The following ATP11A variants were observed in gnomAD, a reference collection of about 807,000 sequenced individuals.
ATP11A encodes phospholipid-transporting ATPase IH.
ATP11A carries 81 observed loss-of-function variants against 154.4 expected under a neutral mutation model. The ratio of observed to expected loss-of-function variants is 0.52; its 90% CI spans 0.44 to 0.63. ATP11A has a LOEUF of 0.63. Among genes scored for constraint, ATP11A ranks in the 30% least tolerant of loss-of-function variants. ATP11A has a pLI of 0.00. For missense variants in ATP11A, 1,316 were observed against 1,474.3 expected (o/e 0.89, Z 1.76); for synonymous variants, 623 against 585.9 (o/e 1.06, Z -0.91).
At chr13:112,806,053 A>G (rs902035750) in intron 3 of ATP11A, among the ~76,000 whole-genome samples, 160 bp from the exon 4 acceptor site, 5 of 152,186 alleles carry the variant, frequency 3.3e-5, no homozygotes, top group Non-Finnish European at 5.9e-5. Flanking sequence ...GTGAAATAGG[A>G]CGATTGACTT....
At chr13:112,768,788 G>A (rs548466942) in intron 1 of ATP11A, among the ~76,000 whole-genome samples, 30 of 152,320 alleles carry the variant, frequency 2.0e-4, no homozygotes, top group African/African-American at 7.0e-4. Flanking sequence ...GTGACGCAGT[G>A]TTTTCCGGTG....
chr13:112,873,722 T>A (rs2080621510), intron 27 of ATP11A, 46 bp downstream of exon 27: 2 of 1,557,090 alleles, frequency 1.3e-6, no homozygotes, highest in African/African-American at 1.4e-5. Context: ...TATCATGTGG[T>A]TGTTATTTTT....
intron 1 of ATP11A, chr13:112,747,409 G>C (rs2139789224): frequency 6.6e-6 from 1 of 152,396 alleles, no homozygotes; most frequent in South Asian, 2.1e-4. Flanking sequence ...TCAGCTTGTG[G>C]GCAACATGTC....
Position 112,690,491 on chromosome 13 carries a change from AC to A in ATP11A, c.39+38del. 7.7e-7 allele frequency: 1 copy of A among 1,304,222 alleles called. No individual in the cohort carries two copies. Among genetic ancestry groups the A allele is most frequent in the Admixed American group, 3.7e-5 (1 of 27,172 alleles). 80.8% of individuals were successfully genotyped at this position (1,304,222 alleles called of 1,614,324 possible). On this transcript the variant is annotated intron_variant, in intron 1 of 29. Transcript: ENST00000375645. The surrounding 1 kb of genome is among the most constrained non-coding windows in gnomAD (Gnocchi z 5.6). ...CCGGCGCGGGCTGGGGGACCCGGGG[AC>A]CAGACAGACGCGGGCCGGCCCCGCA...
intron 1 of ATP11A, among the ~76,000 whole-genome samples, chr13:112,712,804 TC>T (rs1887919014): frequency 1.3e-5 from 2 of 152,182 alleles, no homozygotes; most frequent in African/African-American, 2.4e-5. Flanking sequence ...GTGTTTGTCA[TC>T]CCCTGTCTTT....
chr13:112,845,006 C>T (rs540534626), intron 17 of ATP11A, among the ~76,000 whole-genome samples: 1 of 151,754 alleles, frequency 6.6e-6, no homozygotes, highest in East Asian at 1.9e-4. Flanking sequence ...AGTCCAGTTG[C>T]CAGCCGCTAG....
At chr13:112,877,531 G>A (rs1313661708) in intron 28 of ATP11A, among the ~76,000 whole-genome samples, 1 of 152,232 alleles carries the variant, frequency 6.6e-6, no homozygotes, top group Non-Finnish European at 1.5e-5. Context: ...CAGGGCTGGG[G>A]GTCTGACCCC....
intron 17 of ATP11A, among the ~76,000 whole-genome samples, chr13:112,842,923 T>C (rs2079465325): frequency 6.6e-6 from 1 of 152,224 alleles, no homozygotes; most frequent in South Asian, 2.1e-4. Context: ...CTTTCTGTCT[T>C]TGGGGCTGCT....
At chr13:112,711,128 CTT>C (rs1456633510) in intron 1 of ATP11A, among the ~76,000 whole-genome samples, 1 of 152,212 alleles carries the variant, frequency 6.6e-6, no homozygotes, top group African/African-American at 2.4e-5. Context: ...CGTGCTGACA[CTT>C]TACCACGAGG....
rs972021661 is a variant in ATP11A at position 112,884,967 on chromosome 13, G to C, written c.*3101G>C. The C allele has an allele frequency of 2.0e-5, 3 of 152,414 alleles. No individual in the cohort carries two copies. The highest frequency in any genetic ancestry group is 7.2e-5 in the African/African-American group (3 of 41,454). 9.4% of individuals were successfully genotyped at this position (152,414 alleles called of 1,614,324 possible). A position where few individuals can be genotyped will look rare whatever the true frequency, so the allele number is the denominator to read the frequency against. ...TCACTCATAGCCATGTCCACATGGG[G>C]GCTTGCACACAGGATCACTCACATA... On this transcript the variant is annotated 3_prime_UTR_variant, in exon 30 of 30. Transcript: ENST00000375645.
chr13:112,701,923 C>T (rs9943910), intron 1 of ATP11A, among the ~76,000 whole-genome samples: 7,458 of 152,212 alleles, frequency 0.049, 658 homozygotes, highest in African/African-American at 0.17. Flanking sequence ...GCTTGTGTCT[C>T]GGCATCCTGT....
At chr13:112,869,307 C>T (rs76517215) in intron 25 of ATP11A, among the ~76,000 whole-genome samples, 1,654 of 152,330 alleles carry the variant, frequency 0.011, 31 homozygotes, top group African/African-American at 0.038. Flanking sequence ...TGTTCCTCAC[C>T]TATAAAGCTT....
In ATP11A at chr13:112,845,203, C is replaced by T. The variant is rs1045986023; in HGVS notation, c.1809+2824C>T. Among the ~76,000 whole-genome samples the T allele has an allele frequency of 2.4e-4, 35 of 144,974 alleles. 1 individual carries two copies. Among genetic ancestry groups the T allele is most frequent in the Admixed American group, 6.9e-5 (1 of 14,560 alleles). Reference sequence around the variant, plus strand: ...TACTAACCAGTCCAGTTTCCAGGCACTAGTGATACTAACCAGTCCAGTTGC... The same window carrying T: ...TACTAACCAGTCCAGTTTCCAGGCATTAGTGATACTAACCAGTCCAGTTGC... On this transcript the variant is annotated intron_variant, in intron 17 of 29. Coordinates refer to ENST00000375645, the MANE Select transcript of ATP11A (RefSeq NM_015205.3).
chr13:112,710,878 T>C (rs575871236), intron 1 of ATP11A, among the ~76,000 whole-genome samples: 119 of 152,334 alleles, frequency 7.8e-4, no homozygotes, highest in African/African-American at 2.8e-3. Flanking sequence ...CCTGGGGCTC[T>C]CCCAGCCCCG....
At chr13:112,869,342 A>G (rs2080438106) in intron 25 of ATP11A, among the ~76,000 whole-genome samples, 1 of 152,216 alleles carries the variant, frequency 6.6e-6, no homozygotes, top group African/African-American at 2.4e-5. Flanking sequence ...TGTGCTCTGC[A>G]GGACCAGGCA....
chr13:112,819,656 G>A lies in ATP11A; in HGVS notation c.675-244G>A, dbSNP rs929775051. Among the ~76,000 whole-genome samples the A allele has an allele frequency of 2.0e-5, 3 of 152,154 alleles. No homozygotes were observed. In the South Asian group the frequency reaches 6.2e-4, roughly 32 times the overall value. On this transcript the variant is annotated intron_variant, in intron 7 of 29. Coordinates refer to ENST00000375645, the MANE Select transcript of ATP11A (RefSeq NM_015205.3). The stretch of plus-strand genomic sequence containing the variant: ...GAACCATATTTGTGGGAAAAAAAAA[G>A]AATAAGTTTTCTTTATTTTACGGAA...
At chr13:112,773,309 G>T (rs1408116189) in intron 1 of ATP11A, among the ~76,000 whole-genome samples, 1 of 152,198 alleles carries the variant, frequency 6.6e-6, no homozygotes, top group African/African-American at 2.4e-5. Flanking sequence ...AGTTTGCGTG[G>T]TGTCACCCTG....
Position 112,833,038 on chromosome 13 carries a change from A to C in ATP11A, c.1559+15A>C, listed in dbSNP as rs1024265397. The C allele has an allele frequency of 1.9e-6, 3 of 1,604,610 alleles. No individual in the cohort carries two copies. Among genetic ancestry groups the C allele is most frequent in the African/African-American group, 2.7e-5 (2 of 74,772 alleles). On this transcript the variant is annotated intron_variant, in intron 14 of 29. Coordinates refer to ENST00000375645, the MANE Select transcript of ATP11A (RefSeq NM_015205.3). The stretch of plus-strand genomic sequence containing the variant: ...GGTGTCCAGAGGTACGTCGCGGGCC[A>C]AGGGTCTGCCTGGGTTTCCTGATGT...
chr13:112,813,962 T>C (rs1052630521), intron 5 of ATP11A, among the ~76,000 whole-genome samples: 1 of 152,240 alleles, frequency 6.6e-6, no homozygotes. Flanking sequence ...AGTAATACTT[T>C]GTCAGATATA....
Sources: allele counts gnomAD v4.1 joint callset (sites outside exome capture counted in the v4.1 genomes callset), GRCh38; gene constraint gnomAD v4.1.1; non-coding constraint Gnocchi (gnomAD v3.1); transcripts MANE v1.5; gene names NCBI Gene and HGNC (gene_info 2026-07-23, HGNC 2026-07-21).